CHRM3: variants seen among roughly 807,000 people sequenced by gnomAD.
CHRM3 encodes cholinergic receptor muscarinic 3, also known as muscarinic acetylcholine receptor M3.
In CHRM3, 11 loss-of-function variants were observed where a neutral mutation model predicts 41.8. The observed-to-expected ratio is 0.26, with a 90% CI of 0.17 to 0.44. The LOEUF (loss-of-function observed/expected upper bound fraction) is 0.44, where lower values mean the gene tolerates loss of function less well. CHRM3 is among the 20% of genes least tolerant of loss of function. CHRM3 has a pLI of 1.00. For missense variants in CHRM3, 571 were observed against 745.4 expected, an observed-to-expected ratio of 0.77 and a Z score of 2.72; for synonymous variants, 297 against 301.4, an observed-to-expected ratio of 0.99 and a Z score of 0.15.
chr1:239,671,232 A>C (rs553392528), intron 4 of CHRM3, among the ~76,000 whole-genome samples: 4 of 152,136 alleles, frequency 2.6e-5, no homozygotes, highest in African/African-American at 4.8e-5. Flanking sequence ...GAGGCAACCA[A>C]ACTCACTGTG....
intron 5 of CHRM3, chr1:239,706,269 A>G (rs1412306206): frequency 6.6e-6 from 1 of 151,530 alleles, no homozygotes; most frequent in Admixed American, 6.6e-5. Flanking sequence ...TTATTTGTAA[A>G]TGATTTATTT....
intron 2 of CHRM3, among the ~76,000 whole-genome samples, chr1:239,537,055 C>T (rs1658272830): frequency 2.0e-5 from 3 of 151,890 alleles, no homozygotes; most frequent in Non-Finnish European, 2.9e-5. Flanking sequence ...GTTTTAAATG[C>T]CTGAGGTATT....
chr1:239,726,003 A>G (rs1039081769), intron 5 of CHRM3, among the ~76,000 whole-genome samples: 1 of 151,964 alleles, frequency 6.6e-6, no homozygotes, highest in African/African-American at 2.4e-5. Context: ...CACAACCCTC[A>G]GGTGAAATCT....
chr1:239,522,953 A>G (rs1021168204), intron 2 of CHRM3, among the ~76,000 whole-genome samples: 1 of 152,126 alleles, frequency 6.6e-6, no homozygotes, highest in Non-Finnish European at 1.5e-5. Context: ...CCATGAGCCC[A>G]GGGAGACTCT....
chr1:239,546,049 C>G (rs559208474), intron 3 of CHRM3: 1 of 152,032 alleles, frequency 6.6e-6, no homozygotes, highest in Admixed American at 6.5e-5. Context: ...TGGACAGTTT[C>G]GATGTCTTCT....
At chr1:239,648,679 T>A (rs1451373133) in intron 4 of CHRM3, among the ~76,000 whole-genome samples, 1 of 152,074 alleles carries the variant, frequency 6.6e-6, no homozygotes, top group South Asian at 2.1e-4. Context: ...TGGAAGCCAA[T>A]TGATAGATTG....
At position 239,404,573 on chromosome 1, in the gene CHRM3, G is replaced by A. The variant is rs540867721; in HGVS notation, c.-521+17346G>A. Among the ~76,000 whole-genome samples the A allele has an allele frequency of 7.6e-4, 114 of 150,722 alleles. 1 individual carries two copies. The highest frequency in any genetic ancestry group is 1.4e-3 in the Non-Finnish European group (96 of 67,648). ...GTCATTCTCTCTGGTAAGATGAGTC[G>A]TATTCAACTTGAGATGTTTCTCAGG... On this transcript the variant is annotated intron_variant, in intron 1 of 6. Coordinates refer to ENST00000676153, the MANE Select transcript of CHRM3 (RefSeq NM_001375978.1).
At chr1:239,472,088 T>G (rs1177754178) in intron 1 of CHRM3, among the ~76,000 whole-genome samples, 5 of 152,216 alleles carry the variant, frequency 3.3e-5, no homozygotes, top group Non-Finnish European at 7.3e-5. Flanking sequence ...ATGTCCAGTA[T>G]TACTTCATAG....
chr1:239,892,619 A>T (rs978612120), intron 6 of CHRM3, among the ~76,000 whole-genome samples: 10 of 152,284 alleles, frequency 6.6e-5, no homozygotes, highest in African/African-American at 2.4e-4. Context: ...TGCAGCTTTA[A>T]TTTTTTATGA....
At chr1:239,566,990 A>G (rs942891723) in intron 3 of CHRM3, among the ~76,000 whole-genome samples, 2 of 152,334 alleles carry the variant, frequency 1.3e-5, no homozygotes, top group African/African-American at 4.8e-5. Flanking sequence ...TGCTTATTCT[A>G]AGAAAACCAT....
At chr1:239,420,105 A>G (rs948446749) in intron 1 of CHRM3, among the ~76,000 whole-genome samples, 4 of 152,158 alleles carry the variant, frequency 2.6e-5, no homozygotes, top group Non-Finnish European at 5.9e-5. Flanking sequence ...TAGTTTGAGG[A>G]GTAGAGTAAG....
At chr1:239,544,370 A>AT (rs1007602631) in intron 2 of CHRM3, among the ~76,000 whole-genome samples, 1 of 152,170 alleles carries the variant, frequency 6.6e-6, no homozygotes, top group East Asian at 1.9e-4. Context: ...TAAAACGTGG[A>AT]TTTTTTTCTT....
chr1:239,506,977 A>G (rs1421730129), intron 2 of CHRM3, among the ~76,000 whole-genome samples: 1 of 152,048 alleles, frequency 6.6e-6, no homozygotes, highest in Non-Finnish European at 1.5e-5. Flanking sequence ...AATTTCTCCC[A>G]TTTGGAATGG....
At chr1:239,765,381 C>G (rs1667121299) in intron 5 of CHRM3, among the ~76,000 whole-genome samples, 1 of 152,170 alleles carries the variant, frequency 6.6e-6, no homozygotes, top group Non-Finnish European at 1.5e-5. Flanking sequence ...GGAAGTAAGT[C>G]CTGTTCAGGG....
At chr1:239,867,115 A>C (rs1308778163) in intron 6 of CHRM3, among the ~76,000 whole-genome samples, 1 of 152,228 alleles carries the variant, frequency 6.6e-6, no homozygotes, top group Non-Finnish European at 1.5e-5. Flanking sequence ...TTTAGGCCAG[A>C]GCTCAAACCC....
rs146490624 is a variant in CHRM3, at chr1:239,701,184, C to T, written c.-147+22896C>T. On this transcript the variant is annotated intron_variant, in intron 5 of 6. Transcript: ENST00000676153. ...TAATTTTTTGAACCTAAGCATAGAA[C>T]TCTGCACATAGTACCACTGACCATC... 1.3e-5 allele frequency among the ~76,000 whole-genome samples: 2 copies of T among 152,202 alleles called. 1 individual carries two copies. Among genetic ancestry groups the T allele is most frequent in the Non-Finnish European group, 2.9e-5 (2 of 68,036 alleles).
At chr1:239,892,056 C>A (rs1346570467) in intron 6 of CHRM3, among the ~76,000 whole-genome samples, 1 of 152,228 alleles carries the variant, frequency 6.6e-6, no homozygotes. Context: ...TTAGCTTACA[C>A]ACACTTTTGG....
intron 3 of CHRM3, among the ~76,000 whole-genome samples, chr1:239,570,005 A>T (rs541992082): frequency 3.9e-5 from 6 of 152,250 alleles, no homozygotes; most frequent in African/African-American, 9.6e-5. Context: ...ATGTTTTTTT[A>T]AAAAACAGCA....
intron 2 of CHRM3, among the ~76,000 whole-genome samples, chr1:239,493,267 A>G (rs937178655): frequency 2.0e-5 from 3 of 152,202 alleles, no homozygotes; most frequent in African/African-American, 4.8e-5. Context: ...AGGTTGACCA[A>G]TAACTGTTCT....
Sources: allele counts gnomAD v4.1 joint callset (sites outside exome capture counted in the v4.1 genomes callset), GRCh38; gene constraint gnomAD v4.1.1; transcripts MANE v1.5; gene names NCBI Gene and HGNC (gene_info 2026-07-23, HGNC 2026-07-21).